PLVAP: variants seen among roughly 807,000 people sequenced by gnomAD.
The protein encoded by PLVAP is plasmalemma vesicle associated protein, also known as plasmalemma vesicle-associated protein.
In PLVAP, 34 loss-of-function variants were observed where a neutral mutation model predicts 43.1. That is an observed-to-expected ratio of 0.79 (90% CI 0.60 to 1.05). The LOEUF (loss-of-function observed/expected upper bound fraction) is 1.05, where lower values mean the gene tolerates loss of function less well. Ranked by LOEUF, PLVAP falls within the 50% of genes least tolerant of loss-of-function variation. The pLI, the probability that PLVAP is intolerant of heterozygous loss-of-function variation, is 0.00. For synonymous variants in PLVAP, 241 were observed against 237.3 expected, an observed-to-expected ratio of 1.02 and a Z score of -0.14; for missense variants, 574 against 593.4, an observed-to-expected ratio of 0.97 and a Z score of 0.34.
At position 17,377,136 on chromosome 19, in the gene PLVAP, G is replaced by T. The variant is rs1331703168; in HGVS notation, c.153C>A (p.Asn51Lys). Residue 51 changes from asparagine (N) to lysine (K), a missense_variant, in exon 1 of 6, where the codon AAC (asparagine) becomes AAA (lysine). Transcript: ENST00000252590. ...LGLVLFMVYGNVHVSTESNLQ... is the reference protein window; with the variant it reads ...LGLVLFMVYGKVHVSTESNLQ... ...GGTTGGACTCTGTGCTCACGTGCAC[G>T]TTGCCATAGACCATGAAGAGCACGA... 6.2e-7 allele frequency: 1 copy of T among 1,614,164 alleles called. No individual in the cohort carries two copies. The highest frequency in any genetic ancestry group is 8.5e-7 in the Non-Finnish European group (1 of 1,180,018).
At chr19:17,369,999 T>TC (rs2074565698) in intron 1 of PLVAP, among the ~76,000 whole-genome samples, 1 of 82,826 alleles carries the variant, frequency 1.2e-5, no homozygotes, top group Non-Finnish European at 2.1e-5. Context: ...CGAGAGTCTG[T>TC]CTAAAAAAAA....
intron 5 of PLVAP, among the ~76,000 whole-genome samples, chr19:17,353,746 G>A (rs569355458): frequency 4.6e-5 from 7 of 151,974 alleles, no homozygotes; most frequent in African/African-American, 9.7e-5. Context: ...TCTCTGTCTC[G>A]CCCATCACCA....
At chr19:17,358,831 A>T (rs1038828525) in intron 5 of PLVAP, among the ~76,000 whole-genome samples, 3 of 149,434 alleles carry the variant, frequency 2.0e-5, no homozygotes, top group Non-Finnish European at 4.4e-5. Context: ...ACAGGATCTC[A>T]CTCTGTCTCC....
chr19:17,368,622 C>T (rs375855071), intron 1 of PLVAP, among the ~76,000 whole-genome samples: 2 of 152,124 alleles, frequency 1.3e-5, no homozygotes, highest in African/African-American at 2.4e-5. Flanking sequence ...CACAGAGACA[C>T]GGACAGAAGG....
chr19:17,368,263 G>A (rs2074558270), intron 1 of PLVAP, among the ~76,000 whole-genome samples: 1 of 151,814 alleles, frequency 6.6e-6, no homozygotes, highest in East Asian at 1.9e-4. Flanking sequence ...GTAGAGACAG[G>A]GTTTCTCCAT....
chr19:17,352,733 A>C (rs980487415), intron 5 of PLVAP, among the ~76,000 whole-genome samples: 1 of 152,078 alleles, frequency 6.6e-6, no homozygotes, highest in Non-Finnish European at 1.5e-5. Flanking sequence ...GGGGATACTG[A>C]GAATTTACCC....
At position 17,365,466 on chromosome 19, in the gene PLVAP, C is replaced by T. The variant is rs769912880; in HGVS notation, c.999G>A (p.Glu333=). ...QKVEKEAQAR[E]AKLQAECSRQ... is the part of the protein sequence containing the mutation. ...GGGAGCATTCAGCTTGGAGCTTGGC[C>T]TCCCGGGCCTGAGCCTCCTTCTCCA... Residue 333 remains glutamate (E), a synonymous_variant, in exon 3 of 6, where the codon GAG becomes GAA. Coordinates refer to ENST00000252590, the MANE Select transcript of PLVAP (RefSeq NM_031310.3). 2.5e-6 allele frequency: 4 copies of T among 1,612,852 alleles called. No individual in the cohort carries two copies. In the South Asian group the frequency reaches 3.3e-5, roughly 13 times the overall value.
chr19:17,366,159 T>C lies in PLVAP; in HGVS notation c.406A>G (p.Ile136Val). Residue 136 changes from isoleucine to valine, a missense_variant, in exon 2 of 6, where the codon ATC becomes GTC. Ile to Val is a conservative substitution (Grantham distance 29, BLOSUM62 3). Coordinates refer to ENST00000252590, the MANE Select transcript of PLVAP (RefSeq NM_031310.3). ...YTNNQRYMAA[I>V]ILSEKQCRDQ... is the part of the protein sequence containing the mutation. ...CTGCATTGCTTCTCACTCAAGATGA[T>C]GGCAGCCATGTACCTCTGATTGTTC... 2 of 1,614,134 alleles carry C rather than the reference T, an allele frequency of 1.2e-6. No individual in the cohort carries two copies. The highest frequency in any genetic ancestry group is 1.7e-6 in the Non-Finnish European group (2 of 1,180,014).
intron 5 of PLVAP, among the ~76,000 whole-genome samples, chr19:17,354,302 A>G (rs1312833693): frequency 6.7e-6 from 1 of 150,316 alleles, no homozygotes; most frequent in Non-Finnish European, 1.5e-5. Context: ...AATAAAAAAG[A>G]TTAAGAAAAT....
Position 17,371,859 on chromosome 19 carries a change from C to T in PLVAP, c.369+5061G>A, listed in dbSNP as rs554526956. Among the ~76,000 whole-genome samples the T allele has an allele frequency of 2.0e-5, 3 of 152,192 alleles. No homozygotes were observed. The East Asian group carries it at 5.8e-4, about 29-fold the overall frequency. On this transcript the variant is annotated intron_variant, in intron 1 of 5. Transcript: ENST00000252590. ...GCCTTTCAAACTTTGGAAGAGAACC[C>T]TCTGCAGAAATATAATAAGACATGA...
chr19:17,373,128 T>TGAG (rs947038490), intron 1 of PLVAP, among the ~76,000 whole-genome samples: 15 of 125,046 alleles, frequency 1.2e-4, no homozygotes, highest in Non-Finnish European at 1.8e-4. Flanking sequence ...GGTTCAGGTC[T>TGAG]GAGAGGGGAG....
In PLVAP at chr19:17,366,097, A is replaced by G. The variant is rs182788133; in HGVS notation, c.466+2T>C. 7 of 1,614,074 alleles carry G rather than the reference A, an allele frequency of 4.3e-6. No individual in the cohort carries two copies. The highest frequency in any genetic ancestry group is 1.7e-6 in the Non-Finnish European group (2 of 1,180,006). On this transcript the variant is annotated splice_donor_variant, in intron 2 of 5. Coordinates refer to ENST00000252590, the MANE Select transcript of PLVAP (RefSeq NM_031310.3). LOFTEE classifies it high-confidence loss of function. ...CCGGCTCCCTGCAGCCTTAGCACTC[A>G]CCATCGCAGCTCTTGTTCATGTCCT...
At chr19:17,358,801 ATCTT>A in intron 5 of PLVAP, among the ~76,000 whole-genome samples, 1 of 121,854 alleles carries the variant, frequency 8.2e-6, no homozygotes, top group Non-Finnish European at 1.6e-5. Context: ...TTCAGAGACT[ATCTT>A]TTTTTTTTTT....
chr19:17,361,796 G>A (rs983952943), intron 3 of PLVAP, among the ~76,000 whole-genome samples: 14 of 152,132 alleles, frequency 9.2e-5, no homozygotes, highest in African/African-American at 3.1e-4. Flanking sequence ...CGGGCCAGGC[G>A]TGGTGGCTCA....
At chr19:17,360,856 G>A in intron 3 of PLVAP, 24 bp from the exon 4 acceptor site, 1 of 1,601,456 alleles carries the variant, frequency 6.2e-7, no homozygotes, top group Non-Finnish European at 8.6e-7. Flanking sequence ...ATGGAGGGAG[G>A]TTGGTAGGAG....
chr19:17,356,841 C>T (rs1240066630), intron 5 of PLVAP, among the ~76,000 whole-genome samples: 1 of 151,914 alleles, frequency 6.6e-6, no homozygotes, highest in Non-Finnish European at 1.5e-5. Context: ...TGCCTGTAAT[C>T]CCAGCTGCTT....
chr19:17,355,529 AT>A (rs71162107), intron 5 of PLVAP, among the ~76,000 whole-genome samples: 197 of 129,892 alleles, frequency 1.5e-3, no homozygotes, highest in Middle Eastern at 0.012. Flanking sequence ...TGCCTGGTTA[AT>A]TTTTTTTTTT....
Position 17,360,600 on chromosome 19 carries a change from C to A in PLVAP, c.1250G>T (p.Ser417Ile). 1 of 1,612,540 alleles carries A rather than the reference C, an allele frequency of 6.2e-7. No individual in the cohort carries two copies. The highest frequency in any genetic ancestry group is 8.5e-7 in the Non-Finnish European group (1 of 1,179,250). ...VPNPQPIDPASLEEFKRKILE... is the reference protein window; with the variant it reads ...VPNPQPIDPAILEEFKRKILE... ...GATCTTCCTCTTGAACTCCTCCAGG[C>A]TAGCTGGGTCTGTGGAGGGAGAGAG... The change falls in exon 5 of 6, where the codon AGC (serine) becomes ATC (isoleucine). Residue 417 changes from serine to isoleucine, a missense_variant. By Grantham distance (142) the Ser-to-Ile change is moderately radical (BLOSUM62 -2). Coordinates refer to ENST00000252590, the MANE Select transcript of PLVAP (RefSeq NM_031310.3).
intron 5 of PLVAP, among the ~76,000 whole-genome samples, chr19:17,356,661 T>C (rs1474792255): frequency 6.6e-6 from 1 of 151,178 alleles, no homozygotes; most frequent in Non-Finnish European, 1.5e-5. Context: ...TATCAAGGCT[T>C]AGAAGGAATA....
Sources: allele counts gnomAD v4.1 joint callset (sites outside exome capture counted in the v4.1 genomes callset), GRCh38; gene constraint gnomAD v4.1.1; transcripts MANE v1.5; gene names NCBI Gene and HGNC (gene_info 2026-07-23, HGNC 2026-07-21).